The following ST8SIA1 variants were observed in gnomAD, a reference collection of about 807,000 sequenced individuals.
The protein encoded by ST8SIA1 is ST8 alpha-N-acetyl-neuraminide alpha-2,8-sialyltransferase 1.
A neutral mutation model predicts 35.9 loss-of-function variants in ST8SIA1; 16 were observed. The observed-to-expected ratio is 0.45, with a 90% CI of 0.30 to 0.68. The LOEUF is 0.68. ST8SIA1 is among the 30% of genes least tolerant of loss of function. The probability of loss-of-function intolerance (pLI) is 0.09; values close to 1 mark genes in which losing one functional copy is unlikely to be tolerated. For synonymous variants in ST8SIA1, 170 were observed against 169.6 expected (o/e 1.00, Z -0.02); for missense variants, 383 against 453.6 (o/e 0.84, Z 1.41).
chr12:22,325,340 T>C (rs1263600290), intron 1 of ST8SIA1: 1 of 681,500 alleles, frequency 1.5e-6, no homozygotes, highest in East Asian at 2.7e-5. Context: ...TCTTCTGTGT[T>C]TAAGATCTGA....
intron 1 of ST8SIA1, among the ~76,000 whole-genome samples, chr12:22,324,063 A>C (rs960087511): frequency 6.6e-6 from 1 of 152,238 alleles, no homozygotes; most frequent in Non-Finnish European, 1.5e-5. Flanking sequence ...GACAACTTAA[A>C]GTCATCAAAT....
intron 1 of ST8SIA1, among the ~76,000 whole-genome samples, chr12:22,330,251 C>A (rs1866744240): frequency 6.6e-6 from 1 of 152,200 alleles, no homozygotes; most frequent in Admixed American, 6.5e-5. Context: ...ATGTCATGTT[C>A]TGGGAACATC....
intron 4 of ST8SIA1, among the ~76,000 whole-genome samples, chr12:22,236,088 C>T (rs186959147): frequency 1.2e-4 from 19 of 152,224 alleles, no homozygotes; most frequent in African/African-American, 4.3e-4. Context: ...TGTTTCTAGC[C>T]AACATGCCTA....
intron 4 of ST8SIA1, among the ~76,000 whole-genome samples, chr12:22,231,583 T>G (rs541060390): frequency 6.6e-6 from 1 of 151,068 alleles, no homozygotes; most frequent in African/African-American, 2.4e-5. Flanking sequence ...TGTTTATTAT[T>G]TTTTTTTTGA....
chr12:22,249,088 G>A lies in ST8SIA1; in HGVS notation c.502C>T (p.Pro168Ser). Reference sequence around the variant, plus strand: ...TTAGTGTATTCACTTGACAAAGGAGGGAGATTGCATCTAGAGAAACAAGAA... The same window carrying A: ...TTAGTGTATTCACTTGACAAAGGAGAGAGATTGCATCTAGAGAAACAAGAA... Reference protein sequence around the residue: ...EANFVMRCNLPPLSSEYTKDV... With the variant: ...EANFVMRCNLSPLSSEYTKDV... The change falls in exon 4 of 5, where the codon CCT becomes TCT. Residue 168 changes from proline to serine, a missense_variant. By Grantham distance (74) the Pro-to-Ser change is moderately conservative. Transcript: ENST00000396037. The A allele has an allele frequency of 1.2e-6, 2 of 1,611,798 alleles. No individual in the cohort carries two copies. The highest frequency in any genetic ancestry group is 1.7e-6 in the Non-Finnish European group (2 of 1,178,236).
chr12:22,234,189 G>A (rs565388422), intron 4 of ST8SIA1, among the ~76,000 whole-genome samples: 1 of 151,726 alleles, frequency 6.6e-6, no homozygotes, highest in Non-Finnish European at 1.5e-5. Flanking sequence ...GAACCCAGGA[G>A]GCAGAGGTTA....
chr12:22,203,417 C>A (rs1256022486), intron 4 of ST8SIA1, among the ~76,000 whole-genome samples: 1 of 152,136 alleles, frequency 6.6e-6, no homozygotes, highest in Non-Finnish European at 1.5e-5. Flanking sequence ...AATTAAAGTT[C>A]TGAATACACA....
intron 2 of ST8SIA1, among the ~76,000 whole-genome samples, chr12:22,259,064 C>A (rs953166153): frequency 6.6e-6 from 1 of 152,148 alleles, no homozygotes; most frequent in African/African-American, 2.4e-5. Context: ...GAAGTCCACT[C>A]ATCTTCCTTC....
chr12:22,209,851 C>T (rs577281140), intron 4 of ST8SIA1, among the ~76,000 whole-genome samples: 5 of 152,208 alleles, frequency 3.3e-5, no homozygotes, highest in Non-Finnish European at 7.4e-5. Flanking sequence ...TATCATACAA[C>T]ATAATATTTT....
intron 4 of ST8SIA1, among the ~76,000 whole-genome samples, chr12:22,246,298 G>C (rs1295313216): frequency 6.6e-6 from 1 of 152,114 alleles, no homozygotes; most frequent in Non-Finnish European, 1.5e-5. Flanking sequence ...GGTGTGTGGG[G>C]GAAAAACACA....
At chr12:22,329,737 G>A (rs1866734644) in intron 1 of ST8SIA1, among the ~76,000 whole-genome samples, 1 of 152,166 alleles carries the variant, frequency 6.6e-6, no homozygotes, top group South Asian at 2.1e-4. Context: ...CATAAAGGTG[G>A]AACTGCTGAA....
chr12:22,233,366 G>A (rs1865439700), intron 4 of ST8SIA1, among the ~76,000 whole-genome samples: 1 of 151,780 alleles, frequency 6.6e-6, no homozygotes. Context: ...CTGTGGTGGT[G>A]TATTTTTTTT....
At chr12:22,286,398 C>G (rs1173442172) in intron 2 of ST8SIA1, 1 of 514,340 alleles carries the variant, frequency 1.9e-6, no homozygotes, top group African/African-American at 1.9e-5. Context: ...TAAAAATTCT[C>G]TTTCTGTACA....
chr12:22,323,069 T>C lies in ST8SIA1; in HGVS notation c.236+10928A>G, dbSNP rs1278354033. On this transcript the variant is annotated intron_variant, in intron 1 of 4. Coordinates refer to ENST00000396037, the MANE Select transcript of ST8SIA1 (RefSeq NM_003034.4). ...ATAAAACACCATGCTAATTATCAGC[T>C]GTACTGTAATGGAGCTGATAACCAT... 1.3e-5 allele frequency among the ~76,000 whole-genome samples: 2 copies of C among 152,214 alleles called. 1 individual carries two copies. The highest frequency in any genetic ancestry group is 1.3e-4 in the Admixed American group (2 of 15,280).
chr12:22,224,731 A>G (rs2120671497), intron 4 of ST8SIA1, among the ~76,000 whole-genome samples: 1 of 152,334 alleles, frequency 6.6e-6, no homozygotes, highest in South Asian at 2.1e-4. Context: ...CTCAAGACAA[A>G]TAAGTATTCA....
intron 4 of ST8SIA1, among the ~76,000 whole-genome samples, chr12:22,208,205 T>A (rs1233798981): frequency 6.7e-6 from 1 of 149,822 alleles, no homozygotes; most frequent in African/African-American, 2.5e-5. Flanking sequence ...CACTGTCTGA[T>A]CGAAAATGTA....
chr12:22,288,729 T>C (rs1425300566), intron 1 of ST8SIA1, among the ~76,000 whole-genome samples: 1 of 152,232 alleles, frequency 6.6e-6, no homozygotes, highest in Non-Finnish European at 1.5e-5. Context: ...TTTCATCTTA[T>C]CAAACTTGGT....
chr12:22,306,985 T>C (rs1271179543), intron 1 of ST8SIA1, among the ~76,000 whole-genome samples: 2 of 152,164 alleles, frequency 1.3e-5, no homozygotes, highest in Non-Finnish European at 2.9e-5. Context: ...AGGGTTCTAT[T>C]TGCACAGATT....
chr12:22,194,201 C>T lies in ST8SIA1; in HGVS notation c.*7351G>A, dbSNP rs1334530504. On this transcript the variant is annotated 3_prime_UTR_variant, in exon 5 of 5. Coordinates refer to ENST00000396037, the MANE Select transcript of ST8SIA1 (RefSeq NM_003034.4). Reference sequence around the variant, plus strand: ...TTATAAGGGGAGTGTCTATAGTAACCTATCAACACCCAACGGTGCTCAAGA... The same window carrying T: ...TTATAAGGGGAGTGTCTATAGTAACTTATCAACACCCAACGGTGCTCAAGA... The T allele has an allele frequency of 6.6e-6, 1 of 152,116 alleles. No individual in the cohort carries two copies. The highest frequency in any genetic ancestry group is 2.4e-5 in the African/African-American group (1 of 41,430). The allele number at this position is 152,116 out of a possible 1,614,324, so 9.4% of individuals were successfully genotyped here. A position where few individuals can be genotyped will look rare whatever the true frequency, so the allele number is the denominator to read the frequency against.
Sources: allele counts gnomAD v4.1 joint callset (sites outside exome capture counted in the v4.1 genomes callset), GRCh38; gene constraint gnomAD v4.1.1; transcripts MANE v1.5; gene names NCBI Gene and HGNC (gene_info 2026-07-23, HGNC 2026-07-21).